Variants in FRY observed in about 807,000 individuals in gnomAD.
FRY encodes the protein FRY microtubule binding protein.
Under a neutral mutation model 348.4 loss-of-function variants are expected in FRY, and 128 were observed. The observed-to-expected ratio is 0.37, with a 90% CI of 0.32 to 0.43. The LOEUF (loss-of-function observed/expected upper bound fraction) is 0.43. FRY is among the 20% of genes least tolerant of loss of function. The probability of loss-of-function intolerance (pLI) is 1.00; values close to 1 mark genes in which losing one functional copy is unlikely to be tolerated. For missense variants in FRY, 2,736 were observed against 3,695.2 expected, an observed-to-expected ratio of 0.74 and a Z score of 6.73; for synonymous variants, 1,370 against 1,374.7, an observed-to-expected ratio of 1.00 and a Z score of 0.08.
chr13:32,252,538 G>A (rs1887133654), intron 50 of FRY, among the ~76,000 whole-genome samples: 1 of 152,194 alleles, frequency 6.6e-6, no homozygotes, highest in African/African-American at 2.4e-5. Context: ...ATTGAATTAG[G>A]TATGGGAGTA....
chr13:32,210,055 A>G (rs554743562), intron 33 of FRY, among the ~76,000 whole-genome samples: 2 of 152,354 alleles, frequency 1.3e-5, no homozygotes, highest in African/African-American at 4.8e-5. Context: ...AAGAGACACT[A>G]AGTAAAGTGT....
intron 24 of FRY, among the ~76,000 whole-genome samples, chr13:32,183,358 G>T (rs1455306601): frequency 2.6e-5 from 4 of 152,152 alleles, no homozygotes; most frequent in African/African-American, 4.8e-5. Context: ...TTTTCACAAG[G>T]AGTTGAATGG....
At chr13:32,090,350 CAAAAA>C (rs34392238) in intron 2 of FRY, among the ~76,000 whole-genome samples, 14 of 58,804 alleles carry the variant, frequency 2.4e-4, no homozygotes, top group East Asian at 1.0e-3. Context: ...GACTCCATCT[CAAAAA>C]AAAAAAAAAA....
intron 1 of FRY, among the ~76,000 whole-genome samples, chr13:32,065,566 A>T (rs1279940797): frequency 6.6e-6 from 1 of 151,250 alleles, no homozygotes; most frequent in African/African-American, 2.4e-5. Context: ...TTGGCCTCTC[A>T]AAGTGCTAGG....
At chr13:32,201,735 A>G (rs1269045344) in intron 29 of FRY, among the ~76,000 whole-genome samples, 2 of 152,214 alleles carry the variant, frequency 1.3e-5, no homozygotes, top group Non-Finnish European at 1.5e-5. Flanking sequence ...GTGTCCCAGT[A>G]TTTAATTTTA....
chr13:32,151,021 C>G (rs1880757902), intron 14 of FRY, among the ~76,000 whole-genome samples: 1 of 152,188 alleles, frequency 6.6e-6, no homozygotes, highest in Non-Finnish European at 1.5e-5. Flanking sequence ...AAACCAGAGG[C>G]TTTGGGCTGG....
In FRY at chr13:32,239,474, T is replaced by C; in HGVS notation, c.6516+125T>C. The C allele has an allele frequency of 1.3e-6, 1 of 754,418 alleles. No homozygotes were observed. Among genetic ancestry groups the C allele is most frequent in the Non-Finnish European group, 2.4e-6 (1 of 416,026 alleles). The allele number at this position is 754,418 out of a possible 1,614,324, so 46.7% of individuals were successfully genotyped here. On this transcript the variant is annotated intron_variant, in intron 45 of 60. Transcript: ENST00000542859. This position sits in a 1 kb window ranked among gnomAD's most constrained non-coding sequence, Gnocchi z 4.3. Reference sequence around the variant, plus strand: ...CAAAAACTGGAAATAATAACTAATATCACAGTAATGGAAATATAGGGGTGG... The same window carrying C: ...CAAAAACTGGAAATAATAACTAATACCACAGTAATGGAAATATAGGGGTGG...
chr13:32,096,438 G>T (rs568964805), intron 2 of FRY, among the ~76,000 whole-genome samples: 2 of 129,598 alleles, frequency 1.5e-5, no homozygotes, highest in Non-Finnish European at 1.7e-5. Flanking sequence ...GGAAAACTGC[G>T]GGGGGGGGCT....
In FRY at chr13:32,202,479, T is replaced by A. The variant is rs61750791; in HGVS notation, c.3970T>A (p.Cys1324Ser). The change falls in exon 31 of 61, where the codon TGT (cysteine) becomes AGT (serine). Residue 1324 changes from cysteine to serine, a missense_variant. Cys to Ser is a moderately radical substitution (Grantham distance 112). This residue lies in a region of FRY where 794 missense variants were observed against 977.0 expected (regional missense o/e 0.81). Coordinates refer to ENST00000542859, the MANE Select transcript of FRY (RefSeq NM_023037.3). ...LYSVSLALLSCELARMYPELT... is the reference protein window; with the variant it reads ...LYSVSLALLSSELARMYPELT... ...CAGCGTGTCACTTGCCCTCTTGTCA[T>A]GTGAGCTGGCCAGGATGTACCCTGA... 0.055 allele frequency: 88,621 copies of A among 1,613,776 alleles called. 4,240 individuals are homozygous for A. The highest frequency in any genetic ancestry group is 0.27 in the East Asian group (12,064 of 44,862).
At chr13:32,175,240 T>C (rs1329998861) in intron 19 of FRY, among the ~76,000 whole-genome samples, 1 of 152,208 alleles carries the variant, frequency 6.6e-6, no homozygotes, top group African/African-American at 2.4e-5. Context: ...ATGAACACTG[T>C]AGTGAATAAT....
intron 31 of FRY, 69 bp from the exon 32 acceptor site, chr13:32,208,784 C>A: frequency 6.4e-7 from 1 of 1,569,284 alleles, no homozygotes; most frequent in Non-Finnish European, 8.8e-7. Context: ...TGCAAGTTGG[C>A]ATTTGAATTT....
rs753966430 is a variant in FRY at position 32,202,433 on chromosome 13, C to G, written c.3924C>G (p.His1308Gln). 1.2e-6 allele frequency: 2 copies of G among 1,613,714 alleles called. No homozygotes were observed. The highest frequency in any genetic ancestry group is 2.2e-5 in the South Asian group (2 of 91,074). ...QRPGSILYGTHGPLPPLYSVS... is the reference protein window; with the variant it reads ...QRPGSILYGTQGPLPPLYSVS... Reference sequence around the variant, plus strand: ...CGGGAAGTATTCTCTATGGAACACACGGCCCGCTGCCACCCCTCTACAGCG... The same window carrying G: ...CGGGAAGTATTCTCTATGGAACACAGGGCCCGCTGCCACCCCTCTACAGCG... Residue 1308 changes from histidine (H) to glutamine (Q), a missense_variant, in exon 31 of 61, where the codon CAC becomes CAG. Around this residue, in one of 9 missense-constraint regions of FRY, gnomAD observed 794 missense variants for 977.0 expected, o/e 0.81. Transcript: ENST00000542859.
chr13:32,213,847 A>T (rs1229859819), intron 35 of FRY, among the ~76,000 whole-genome samples: 1 of 152,228 alleles, frequency 6.6e-6, no homozygotes, highest in Non-Finnish European at 1.5e-5. Flanking sequence ...TGAACTTAAG[A>T]AGCCAGTAAT....
chr13:32,157,364 T>C lies in FRY; in HGVS notation c.1743T>C (p.Thr581=). The C allele has an allele frequency of 6.2e-7, 1 of 1,613,420 alleles. No homozygotes were observed. The highest frequency in any genetic ancestry group is 1.1e-5 in the South Asian group (1 of 91,072). ...DKEVGRCMML[T]NVQMLNKEPE... ...AAGTAGGAAGGTGTATGATGCTGAC[T>C]AATGTACAGATGTTAAACAAAGAAC... Residue 581 remains threonine (T), a synonymous_variant, in exon 16 of 61, where the codon ACT becomes ACC. Transcript: ENST00000542859.
At chr13:32,203,647 C>T (rs1213886390) in intron 31 of FRY, among the ~76,000 whole-genome samples, 3 of 151,922 alleles carry the variant, frequency 2.0e-5, no homozygotes, top group African/African-American at 7.3e-5. Flanking sequence ...CACTTGAACC[C>T]GGGAGGCAGC....
intron 14 of FRY, among the ~76,000 whole-genome samples, chr13:32,155,030 G>T (rs192558826): frequency 6.6e-6 from 1 of 152,150 alleles, no homozygotes; most frequent in Admixed American, 6.5e-5. Flanking sequence ...AAGTCAGGAC[G>T]TGCAGTTGAG....
At chr13:32,277,806 A>G (rs1888607867) in intron 57 of FRY, among the ~76,000 whole-genome samples, 1 of 152,226 alleles carries the variant, frequency 6.6e-6, no homozygotes, top group South Asian at 2.1e-4. Context: ...TCAGCTTCTC[A>G]GTCATCACCC....
intron 55 of FRY, among the ~76,000 whole-genome samples, chr13:32,270,024 TGGA>T (rs530025377): frequency 2.0e-3 from 299 of 152,290 alleles, no homozygotes; most frequent in African/African-American, 6.9e-3. Context: ...AACTTGGGGC[TGGA>T]GGAGATGTTA....
At chr13:32,159,439 C>A (rs1187699561) in intron 16 of FRY, among the ~76,000 whole-genome samples, 1 of 151,990 alleles carries the variant, frequency 6.6e-6, no homozygotes, top group Admixed American at 6.5e-5. Context: ...TTCCATATCC[C>A]TTTTGTGGTT....
Sources: allele counts gnomAD v4.1 joint callset (sites outside exome capture counted in the v4.1 genomes callset), GRCh38; gene constraint gnomAD v4.1.1; regional missense constraint gnomAD v4.1.1; non-coding constraint Gnocchi (gnomAD v3.1); transcripts MANE v1.5; gene names NCBI Gene and HGNC (gene_info 2026-07-23, HGNC 2026-07-21).